ST18: variants seen among roughly 807,000 people sequenced by gnomAD.
ST18 encodes the protein ST18 C2H2C-type zinc finger transcription factor.
ST18 carries 50 observed loss-of-function variants against 110.0 expected under a neutral mutation model. That is an observed-to-expected ratio of 0.45 (90% CI 0.36 to 0.58). The LOEUF is 0.58. Ranked by LOEUF, ST18 falls within the 20% of genes least tolerant of loss-of-function variation. The pLI is 0.00. For missense variants in ST18, 1,306 were observed against 1,280.1 expected (o/e 1.02, Z -0.31); for synonymous variants, 461 against 452.4 (o/e 1.02, Z -0.24).
chr8:52,331,182 G>T (rs762682126), intron 2 of ST18, among the ~76,000 whole-genome samples: 1 of 152,038 alleles, frequency 6.6e-6, no homozygotes, highest in Non-Finnish European at 1.5e-5. Flanking sequence ...GACTGGAAGG[G>T]GTAGTTTCAA....
chr8:52,112,073 C>T lies in ST18; in HGVS notation c.*1125G>A, dbSNP rs570471664. On this transcript the variant is annotated 3_prime_UTR_variant, in exon 26 of 26. Coordinates refer to ENST00000689386, the MANE Select transcript of ST18 (RefSeq NM_001352837.2). ...ATCAAATTGAATGTTGTCTTGTTTC[C>T]TATGGTGGGTGAGACCCAAGGTGCC... is the stretch of plus-strand genomic sequence containing the variant. 1.3e-5 allele frequency: 2 copies of T among 152,492 alleles called. No individual in the cohort carries two copies. Among genetic ancestry groups the T allele is most frequent in the African/African-American group, 4.8e-5 (2 of 41,448 alleles). 9.4% of individuals were successfully genotyped at this position (152,492 alleles called of 1,614,324 possible). A position where few individuals can be genotyped will look rare whatever the true frequency, so the allele number is the denominator to read the frequency against.
At chr8:52,283,377 C>T (rs538676955) in intron 2 of ST18, among the ~76,000 whole-genome samples, 1 of 152,216 alleles carries the variant, frequency 6.6e-6, no homozygotes, top group East Asian at 1.9e-4. Flanking sequence ...TCCAAAGTTG[C>T]AAGACTGCTT....
rs748577075 is a variant in ST18 at position 52,133,093 on chromosome 8, G to A, written c.2408C>T (p.Thr803Ile). ...PRARKGGVKM[T>I]PTKEEKEDPE... Reference sequence around the variant, plus strand: ...GTCTTCTTTTTCTTCCTTGGTAGGGGTCATTTTGACACCACCTTTCCTTGC... The same window carrying A: ...GTCTTCTTTTTCTTCCTTGGTAGGGATCATTTTGACACCACCTTTCCTTGC... The change falls in exon 21 of 26, where the codon ACC becomes ATC. Residue 803 changes from threonine (T) to isoleucine (I), a missense_variant. Coordinates refer to ENST00000689386, the MANE Select transcript of ST18 (RefSeq NM_001352837.2). The A allele has an allele frequency of 6.2e-7, 1 of 1,614,140 alleles. No homozygotes were observed. The highest frequency in any genetic ancestry group is 1.1e-5 in the South Asian group (1 of 91,068).
At chr8:52,275,200 T>G (rs1410224126) in intron 2 of ST18, among the ~76,000 whole-genome samples, 3 of 152,092 alleles carry the variant, frequency 2.0e-5, no homozygotes, top group Non-Finnish European at 4.4e-5. Flanking sequence ...AAGCAAAAAC[T>G]AAAAATAAAC....
At chr8:52,301,091 C>G (rs2095713756) in intron 2 of ST18, among the ~76,000 whole-genome samples, 1 of 152,182 alleles carries the variant, frequency 6.6e-6, no homozygotes. Context: ...GAATAGATTT[C>G]TAATAATGGA....
chr8:52,261,818 A>C (rs1400259345), intron 2 of ST18, among the ~76,000 whole-genome samples: 3 of 152,174 alleles, frequency 2.0e-5, no homozygotes, highest in Admixed American at 2.0e-4. Flanking sequence ...GCCCCAGAGA[A>C]ATGTGTCTCA....
intron 15 of ST18, among the ~76,000 whole-genome samples, chr8:52,155,816 G>C (rs1372972363): frequency 6.6e-6 from 1 of 152,142 alleles, no homozygotes; most frequent in Non-Finnish European, 1.5e-5. Context: ...TCTGTTGTGA[G>C]ATTGCATACA....
chr8:52,215,202 G>A (rs2083698524), intron 6 of ST18, among the ~76,000 whole-genome samples: 1 of 152,170 alleles, frequency 6.6e-6, no homozygotes, highest in Non-Finnish European at 1.5e-5. Flanking sequence ...GCTCTCAGAG[G>A]CTGAGTTGTG....
chr8:52,216,285 T>C (rs2084176986), intron 6 of ST18, among the ~76,000 whole-genome samples: 1 of 152,120 alleles, frequency 6.6e-6, no homozygotes, highest in African/African-American at 2.4e-5. Flanking sequence ...CCTACTAAAG[T>C]CATTGGAAGG....
chr8:52,338,270 C>A lies in ST18; in HGVS notation c.-465+71058G>T, dbSNP rs551996175. 5.1e-4 allele frequency among the ~76,000 whole-genome samples: 77 copies of A among 152,188 alleles called. 1 individual carries two copies. In the South Asian group the frequency reaches 0.016, roughly 32 times the overall value. ...ATAGAGTTTCACCATGTTGGCCAGG[C>A]TGGTCTCAAACTCCTGACCTCAGAT... On this transcript the variant is annotated intron_variant, in intron 2 of 25. Transcript: ENST00000689386.
chr8:52,140,480 C>T (rs1451645375), intron 17 of ST18, among the ~76,000 whole-genome samples: 1 of 151,860 alleles, frequency 6.6e-6, no homozygotes, highest in African/African-American at 2.4e-5. Flanking sequence ...GCCGAGAACG[C>T]ACCACTGAAC....
intron 2 of ST18, among the ~76,000 whole-genome samples, chr8:52,361,437 G>A (rs1825700058): frequency 6.6e-6 from 1 of 152,194 alleles, no homozygotes; most frequent in Admixed American, 6.5e-5. Context: ...CTGAGAGTGG[G>A]AGAAGGGAGA....
intron 2 of ST18, among the ~76,000 whole-genome samples, chr8:52,335,840 A>T (rs16917716): frequency 5.3e-5 from 8 of 151,836 alleles, no homozygotes; most frequent in Admixed American, 2.6e-4. Flanking sequence ...ACTGCAGCCA[A>T]CAAGGTGTCC....
intron 2 of ST18, among the ~76,000 whole-genome samples, chr8:52,298,112 TC>T (rs2095661828): frequency 6.6e-6 from 1 of 152,170 alleles, no homozygotes. Flanking sequence ...CCTCCACTGG[TC>T]CCCGGCCTTC....
intron 11 of ST18, 40 bp downstream of exon 11, chr8:52,166,812 C>T (rs367924904): frequency 1.0e-4 from 155 of 1,493,486 alleles, no homozygotes; most frequent in African/African-American, 6.3e-4. Context: ...GATGATCTGG[C>T]GTGCATAAGC....
At chr8:52,247,936 T>C (rs1182468307) in intron 2 of ST18, among the ~76,000 whole-genome samples, 1 of 152,200 alleles carries the variant, frequency 6.6e-6, no homozygotes, top group Non-Finnish European at 1.5e-5. Flanking sequence ...TTTCTGGCTA[T>C]TGTTAAAACA....
intron 2 of ST18, among the ~76,000 whole-genome samples, chr8:52,389,937 A>T (rs1329455323): frequency 6.6e-6 from 1 of 152,170 alleles, no homozygotes; most frequent in Non-Finnish European, 1.5e-5. Flanking sequence ...CAACAACAAC[A>T]ACAACAACAA....
intron 2 of ST18, among the ~76,000 whole-genome samples, chr8:52,323,065 G>C (rs1266558209): frequency 1.3e-5 from 2 of 152,222 alleles, no homozygotes; most frequent in African/African-American, 4.8e-5. Context: ...CCTCGGAGGA[G>C]TCCTGGGCCA....
chr8:52,138,709 G>T (rs1163024036), intron 17 of ST18, among the ~76,000 whole-genome samples: 1 of 152,214 alleles, frequency 6.6e-6, no homozygotes, highest in Non-Finnish European at 1.5e-5. Flanking sequence ...TCACTCATTT[G>T]TAATAAGCAG....
Sources: gnomAD v4.1 joint callset for allele counts (sites outside exome capture counted in the v4.1 genomes callset) on GRCh38, gnomAD v4.1.1 for gene constraint, MANE v1.5 for transcripts, NCBI Gene and HGNC (gene_info 2026-07-23, HGNC 2026-07-21) for gene names.